Variants in C9orf78 observed in about 807,000 individuals in gnomAD.
C9orf78 encodes the protein chromosome 9 open reading frame 78, also known as splicing factor C9orf78.
Under a neutral mutation model 37.4 loss-of-function variants are expected in C9orf78, and 19 were observed. The ratio of observed to expected loss-of-function variants is 0.51; its 90% CI spans 0.35 to 0.74. The LOEUF (loss-of-function observed/expected upper bound fraction) is 0.74, where lower values mean the gene tolerates loss of function less well. Ranked by LOEUF, C9orf78 falls within the 30% of genes least tolerant of loss-of-function variation. The pLI, the probability that C9orf78 is intolerant of heterozygous loss-of-function variation, is 0.01. For missense variants in C9orf78, 291 were observed against 370.8 expected (o/e 0.78, Z 1.77); for synonymous variants, 130 against 128.0 (o/e 1.02, Z -0.10).
At chr9:129,832,079 T>C (rs2031513312) in intron 4 of C9orf78, 106 bp from the exon 5 acceptor site, 3 of 638,828 alleles carry the variant, frequency 4.7e-6, no homozygotes, top group African/African-American at 1.9e-5. Flanking sequence ...TAATATCCTA[T>C]TTACAGTTGG....
Position 129,830,986 on chromosome 9 carries a change from C to T in C9orf78, c.427G>A (p.Glu143Lys). The T allele has an allele frequency of 6.2e-7, 1 of 1,612,690 alleles. No individual in the cohort carries two copies. Residue 143 changes from glutamate to lysine, a missense_variant, in exon 6 of 9, where the codon GAG becomes AAG. Coordinates refer to ENST00000372447, the MANE Select transcript of C9orf78 (RefSeq NM_016520.3). ...EEQKVKPKNA[E>K]DCLYELPENI... Reference sequence around the variant, plus strand: ...TCTGGAAGTTCATAAAGACAGTCCTCTGCATTCTTTGGCTTAACTTTCTGT... The same window carrying T: ...TCTGGAAGTTCATAAAGACAGTCCTTTGCATTCTTTGGCTTAACTTTCTGT...
Position 129,829,255 on chromosome 9 carries a change from G to T in C9orf78, c.728C>A (p.Pro243His). ...ACCTACTCTCAAGGGCCGGGCCTTGGGCTCTTCTTTGTTTCTCCGTATGGG... is the reference window on the plus strand; with the variant it reads ...ACCTACTCTCAAGGGCCGGGCCTTGTGCTCTTCTTTGTTTCTCCGTATGGG... ...NAPIRRNKEE[P>H]KARPLRVGDT... The change falls in exon 8 of 9, where the codon CCC becomes CAC. Residue 243 changes from proline (P) to histidine (H), a missense_variant. Pro to His is a moderately conservative substitution (Grantham distance 77, BLOSUM62 -2). Around this residue, in one of 3 missense-constraint regions of C9orf78, gnomAD observed 120 missense variants for 148.7 expected, o/e 0.81. Transcript: ENST00000372447. The T allele has an allele frequency of 6.2e-7, 1 of 1,612,812 alleles. No individual in the cohort carries two copies. The highest frequency in any genetic ancestry group is 8.5e-7 in the Non-Finnish European group (1 of 1,179,566).
At chr9:129,833,102 C>CT (rs781471026) in intron 4 of C9orf78, among the ~76,000 whole-genome samples, 9,197 of 130,534 alleles carry the variant, frequency 0.07, 627 homozygotes, top group African/African-American at 0.16. Context: ...TACATACACA[C>CT]TTTTTTTTTT....
chr9:129,834,807 A>G (rs1174968222), intron 1 of C9orf78, 41 bp from the exon 2 acceptor site: 9 of 1,482,532 alleles, frequency 6.1e-6, no homozygotes, highest in Middle Eastern at 3.4e-4. Flanking sequence ...AAGCTGAGTG[A>G]TTCCCCGCGG....
chr9:129,834,027 T>C (rs1315662400), intron 2 of C9orf78: 1 of 338,312 alleles, frequency 3.0e-6, no homozygotes, highest in Non-Finnish European at 5.5e-6. Context: ...AAAGATAAAT[T>C]TAAGAGAATA....
At chr9:129,830,711 C>T in intron 6 of C9orf78, 160 bp downstream of exon 6, 2 of 611,654 alleles carry the variant, frequency 3.3e-6, no homozygotes, top group East Asian at 5.7e-5. Context: ...GGGGTTCGAC[C>T]ATCTTGGCCG....
Position 129,832,054 on chromosome 9 carries a change from A to C in C9orf78, c.267-81T>G, listed in dbSNP as rs1040802844. 7.9e-6 allele frequency: 6 copies of C among 762,260 alleles called. No homozygotes were observed. The African/African-American group carries it at 1.0e-4, about 13-fold the overall frequency. The allele number at this position is 762,260 out of a possible 1,614,324, so 47.2% of individuals were successfully genotyped here. ...GTTTTATGTTCTAAGAAGAAAACAA[A>C]GACATAAGCATTTATAATATCCTAT... On this transcript the variant is annotated intron_variant, in intron 4 of 8. Transcript: ENST00000372447.
intron 2 of C9orf78, 72 bp downstream of exon 2, chr9:129,834,635 T>C: frequency 9.4e-7 from 1 of 1,064,378 alleles, no homozygotes; most frequent in African/African-American, 1.6e-5. Context: ...AGGAGATATT[T>C]GTGACAGCGA....
At chr9:129,831,749 A>G in intron 5 of C9orf78, 147 bp downstream of exon 5, 2 of 663,716 alleles carry the variant, frequency 3.0e-6, no homozygotes, top group East Asian at 2.6e-5. Flanking sequence ...AGAGGTTTTC[A>G]AAGTTCTTAA....
At chr9:129,829,569 T>C (rs766924928) in intron 6 of C9orf78, 28 bp from the exon 7 acceptor site, 8 of 1,603,886 alleles carry the variant, frequency 5.0e-6, no homozygotes, top group Non-Finnish European at 6.8e-6. Context: ...CCACACCACT[T>C]AGAAGATGAT....
At position 129,829,426 on chromosome 9, in the gene C9orf78, T is replaced by C. The variant is rs1219613405; in HGVS notation, c.658A>G (p.Asn220Asp). 1 of 1,613,976 alleles carries C rather than the reference T, an allele frequency of 6.2e-7. No homozygotes were observed. Among genetic ancestry groups the C allele is most frequent in the Non-Finnish European group, 8.5e-7 (1 of 1,180,020 alleles). Residue 220 changes from asparagine to aspartate, a missense_variant, in exon 7 of 9, where the codon AAT (asparagine) becomes GAT (aspartate). By Grantham distance (23) the Asn-to-Asp change is conservative. Transcript: ENST00000372447. ...TTACATCTGTTGTGCTGCACATAAT[T>C]CACAGCCATGTTGGTAGGCACGAAG... ...TSFVPTNMAV[N>D]YVQHNRFYHE...
At chr9:129,828,746 A>C in intron 8 of C9orf78, 1 of 246,066 alleles carries the variant, frequency 4.1e-6, no homozygotes, top group Non-Finnish European at 8.1e-6. Context: ...TTTCTTTAAA[A>C]AAAAGATGTG....
At chr9:129,832,313 C>T (rs1305088318) in intron 4 of C9orf78, among the ~76,000 whole-genome samples, 1 of 152,252 alleles carries the variant, frequency 6.6e-6, no homozygotes, top group Admixed American at 6.5e-5. Flanking sequence ...CCTACACACA[C>T]ACTACCATCT....
rs904648949 is a variant in C9orf78, at chr9:129,828,045, G to A, written c.*116C>T. ...CGACCTCAGGTGATCCGCCCACCTC[G>A]GCCTCCCAAAGTGCTGGGATTACAG... is the stretch of plus-strand genomic sequence containing the variant. On this transcript the variant is annotated 3_prime_UTR_variant, in exon 9 of 9. Transcript: ENST00000372447. 6 of 583,976 alleles carry A rather than the reference G, an allele frequency of 1.0e-5. No homozygotes were observed. The highest frequency in any genetic ancestry group is 3.1e-5 in the South Asian group (2 of 65,514). The allele number at this position is 583,976 out of a possible 1,614,324, so 36.2% of individuals were successfully genotyped here. A position where few individuals can be genotyped will look rare whatever the true frequency, so the allele number is the denominator to read the frequency against.
At chr9:129,835,115 A>C (rs769068705) in intron 1 of C9orf78, 24 bp downstream of exon 1, 1 of 1,575,472 alleles carries the variant, frequency 6.3e-7, no homozygotes, top group South Asian at 1.1e-5. Context: ...TACCAAGCCT[A>C]TGGGAGCCCC....
chr9:129,834,695 C>G lies in C9orf78; in HGVS notation c.143+12G>C. On this transcript the variant is annotated intron_variant, in intron 2 of 8. Transcript: ENST00000372447. ...CCCCGCCGCCTCCTCCTCCTCCCCG[C>G]GTGGTACCCACCTCACCCCGTTGGG... The G allele has an allele frequency of 1.2e-6, 2 of 1,602,944 alleles. No individual in the cohort carries two copies. Among genetic ancestry groups the G allele is most frequent in the Non-Finnish European group, 1.7e-6 (2 of 1,171,074 alleles).
chr9:129,835,259 G>A lies in C9orf78; in HGVS notation c.-38C>T, dbSNP rs916997277. On this transcript the variant is annotated 5_prime_UTR_variant, in exon 1 of 9. Coordinates refer to ENST00000372447, the MANE Select transcript of C9orf78 (RefSeq NM_016520.3). ...CGAGTTGTACAGCCGCCGCGCCTCT[G>A]CGCAGCGGCCCAGGCTGCTTCCGGC... The A allele has an allele frequency of 7.3e-6, 11 of 1,498,916 alleles. No homozygotes were observed. The highest frequency in any genetic ancestry group is 1.4e-5 in the African/African-American group (1 of 71,456). The allele number at this position is 1,498,916 out of a possible 1,614,324, so 92.9% of individuals were successfully genotyped here. A position where few individuals can be genotyped will look rare whatever the true frequency, so the allele number is the denominator to read the frequency against.
At chr9:129,829,659 C>T (rs1159822745) in intron 6 of C9orf78, 118 bp from the exon 7 acceptor site, 4 of 821,182 alleles carry the variant, frequency 4.9e-6, no homozygotes, top group Non-Finnish European at 7.8e-6. Flanking sequence ...TGGGGCACAG[C>T]TCTCCACTTT....
chr9:129,835,107 C>G, intron 1 of C9orf78, 32 bp downstream of exon 1: 1 of 1,543,546 alleles, frequency 6.5e-7, no homozygotes, highest in Non-Finnish European at 9.0e-7. Flanking sequence ...TCTATCTTTA[C>G]CAAGCCTATG....
Sources: allele counts gnomAD v4.1 joint callset (sites outside exome capture counted in the v4.1 genomes callset), GRCh38; gene constraint gnomAD v4.1.1; regional missense constraint gnomAD v4.1.1; transcripts MANE v1.5; gene names NCBI Gene and HGNC (gene_info 2026-07-23, HGNC 2026-07-21).